The following CCDC192 variants were observed in gnomAD, a reference collection of about 807,000 sequenced individuals.
CCDC192 encodes coiled-coil domain-containing protein 192.
chr5:127,796,837 TTC>T (rs1434183539), intron 3 of CCDC192, among the ~76,000 whole-genome samples: 1 of 152,198 alleles, frequency 6.6e-6, no homozygotes, highest in African/African-American at 2.4e-5. Context: ...CATTCAAAAT[TTC>T]TCTATTTCTA....
chr5:127,864,787 A>G (rs190127911), intron 5 of CCDC192, among the ~76,000 whole-genome samples: 1 of 152,358 alleles, frequency 6.6e-6, no homozygotes, highest in East Asian at 1.9e-4. Context: ...TTGCATACAT[A>G]TAACCCAATT....
chr5:127,807,674 TCTACCCCTAACCCAGCTGGC>T (rs1324905836), intron 5 of CCDC192, among the ~76,000 whole-genome samples: 3 of 152,264 alleles, frequency 2.0e-5, no homozygotes, highest in Non-Finnish European at 4.4e-5. Context: ...AGATTTCTGT[TCTACCCCTAACCCAGCTGGC>T]CATTTCAACC....
chr5:127,763,968 G>A (rs1042036437), intron 3 of CCDC192, among the ~76,000 whole-genome samples: 1 of 151,988 alleles, frequency 6.6e-6, no homozygotes. Context: ...ATGTCCTTAG[G>A]TGCTTTCATA....
intron 2 of CCDC192, among the ~76,000 whole-genome samples, chr5:127,737,587 G>A (rs1240009425): frequency 6.6e-6 from 1 of 151,524 alleles, no homozygotes; most frequent in Non-Finnish European, 1.5e-5. Flanking sequence ...AGGTCACTCA[G>A]GACTTGCTTT....
At chr5:127,744,173 C>A (rs1753607039) in intron 2 of CCDC192, among the ~76,000 whole-genome samples, 2 of 149,876 alleles carry the variant, frequency 1.3e-5, no homozygotes, top group Non-Finnish European at 3.0e-5. Context: ...GATGAAATTA[C>A]CACTGTGATG....
chr5:127,830,746 A>C (rs1204574634), intron 5 of CCDC192, among the ~76,000 whole-genome samples: 1 of 151,502 alleles, frequency 6.6e-6, no homozygotes, highest in African/African-American at 2.4e-5. Flanking sequence ...ATCAAGAACA[A>C]TGCTAAAGGT....
chr5:127,911,552 T>C (rs1188912502), intron 6 of CCDC192, among the ~76,000 whole-genome samples: 2 of 152,180 alleles, frequency 1.3e-5, no homozygotes, highest in Admixed American at 6.5e-5. Context: ...TTTAGATATA[T>C]TTATTGATAG....
At chr5:127,923,038 C>T (rs1753767074) in intron 6 of CCDC192, among the ~76,000 whole-genome samples, 1 of 152,136 alleles carries the variant, frequency 6.6e-6, no homozygotes, top group Non-Finnish European at 1.5e-5. Context: ...AAAGGGAGAG[C>T]AAAGAGACCA....
In CCDC192 at chr5:127,837,579, A is replaced by G. The variant is rs1287655285; in HGVS notation, c.412-37959A>G. Reference sequence around the variant, plus strand: ...TGGGGACAAAAAGCCTAACCATATCAGAATGTAAACACTTTGTGCACAGGG... The same window carrying G: ...TGGGGACAAAAAGCCTAACCATATCGGAATGTAAACACTTTGTGCACAGGG... On this transcript the variant is annotated intron_variant, in intron 5 of 6. Coordinates refer to ENST00000514853, the MANE Select transcript of CCDC192 (RefSeq NM_001317938.2). Among the ~76,000 whole-genome samples, 6 of 18,128 alleles carry G rather than the reference A, an allele frequency of 3.3e-4. 2 individuals carry two copies. Among genetic ancestry groups the G allele is most frequent in the African/African-American group, 9.3e-4 (6 of 6,482 alleles). 11.9% of individuals were successfully genotyped at this position (18,128 alleles called of 152,430 possible).
upstream of CCDC192, among the ~76,000 whole-genome samples, chr5:127,702,241 C>T (rs545282650): frequency 4.2e-4 from 64 of 152,128 alleles, no homozygotes; most frequent in African/African-American, 1.4e-3. Context: ...TACAGGCGCC[C>T]ACCACCACAC....
intron 6 of CCDC192, among the ~76,000 whole-genome samples, chr5:127,884,126 A>G (rs919958078): frequency 4.4e-4 from 67 of 151,952 alleles, no homozygotes; most frequent in African/African-American, 1.5e-3. Context: ...GGAGGATCAC[A>G]AGGTCAGGAG....
intron 6 of CCDC192, among the ~76,000 whole-genome samples, chr5:127,896,216 A>T (rs988150023): frequency 6.6e-6 from 1 of 152,038 alleles, no homozygotes; most frequent in African/African-American, 2.4e-5. Flanking sequence ...AGGCAGGAGG[A>T]TCATTTGAGG....
rs567272073 is a variant in CCDC192, at chr5:127,866,631, C to T, written c.412-8907C>T. On this transcript the variant is annotated intron_variant, in intron 5 of 6. Transcript: ENST00000514853. ...GTTTTACTTATAAAGAATAAAGATT[C>T]TAAAGTATTAATATCAGTAACATTA... 7.9e-5 allele frequency among the ~76,000 whole-genome samples: 12 copies of T among 151,848 alleles called. No individual in the cohort carries two copies. In the East Asian group the frequency reaches 2.3e-3, roughly 29 times the overall value.
At chr5:127,768,068 A>G (rs533746189) in intron 3 of CCDC192, among the ~76,000 whole-genome samples, 6 of 152,096 alleles carry the variant, frequency 3.9e-5, no homozygotes, top group East Asian at 3.9e-4. Context: ...CCTGGCCAAC[A>G]TGGTGAAACC....
intron 5 of CCDC192, among the ~76,000 whole-genome samples, chr5:127,811,132 T>G (rs1222796998): frequency 6.6e-6 from 1 of 152,222 alleles, no homozygotes; most frequent in Non-Finnish European, 1.5e-5. Flanking sequence ...TGGAGTACGC[T>G]CTCTGCTGTC....
At chr5:127,930,926 G>C (rs911476313) in intron 6 of CCDC192, among the ~76,000 whole-genome samples, 2 of 152,130 alleles carry the variant, frequency 1.3e-5, no homozygotes, top group East Asian at 3.8e-4. Context: ...TTGCTTTTCC[G>C]CACAAACGAC....
chr5:127,785,287 TACAAGACTGCTTAAAGGGC>T (rs1238805162), intron 3 of CCDC192: 3 of 490,856 alleles, frequency 6.1e-6, no homozygotes, highest in African/African-American at 5.9e-5. Flanking sequence ...AAGGCAAACA[TACAAGACTGCTTAAAGGGC>T]CAGGACCCAG....
At chr5:127,851,606 C>A (rs245194) in intron 5 of CCDC192, among the ~76,000 whole-genome samples, 1 of 151,868 alleles carries the variant, frequency 6.6e-6, no homozygotes, top group South Asian at 2.1e-4. Flanking sequence ...TACAGGTGCA[C>A]GCCACCACAC....
chr5:127,778,472 C>T (rs914132733), intron 3 of CCDC192, among the ~76,000 whole-genome samples: 2 of 152,138 alleles, frequency 1.3e-5, no homozygotes, highest in Non-Finnish European at 2.9e-5. Context: ...CCCACTTGGT[C>T]ATGGAGTGTA....
Sources: gnomAD v4.1 joint callset for allele counts (sites outside exome capture counted in the v4.1 genomes callset) on GRCh38, gnomAD v4.1.1 for gene constraint, MANE v1.5 for transcripts, NCBI Gene and HGNC (gene_info 2026-07-23, HGNC 2026-07-21) for gene names.